The following PDE3A variants were observed in gnomAD, a reference collection of about 807,000 sequenced individuals.
PDE3A encodes the protein cGMP-inhibited 3',5'-cyclic phosphodiesterase 3A.
In PDE3A, 43 loss-of-function variants were observed where a neutral mutation model predicts 98.3. That is an observed-to-expected ratio of 0.44 (90% confidence interval 0.34 to 0.56). The LOEUF is 0.56. Among genes scored for constraint, PDE3A ranks in the 20% least tolerant of loss-of-function variants. The pLI is 0.01. For synonymous variants in PDE3A, 663 were observed against 567.9 expected, an observed-to-expected ratio of 1.17 and a Z score of -2.38; for missense variants, 1,427 against 1,440.7, an observed-to-expected ratio of 0.99 and a Z score of 0.15.
intron 1 of PDE3A, among the ~76,000 whole-genome samples, chr12:20,516,749 T>C (rs1392383174): frequency 6.6e-6 from 1 of 152,232 alleles, no homozygotes; most frequent in East Asian, 1.9e-4. Context: ...TATTTTCTAA[T>C]TTGTTAAGTT....
At chr12:20,449,689 A>G in intron 1 of PDE3A, 1 of 448,782 alleles carries the variant, frequency 2.2e-6, no homozygotes, top group Non-Finnish European at 4.1e-6. Context: ...CAGCATTCTT[A>G]CAGAAATATT....
At chr12:20,482,271 T>A (rs149012038) in intron 1 of PDE3A, among the ~76,000 whole-genome samples, 209 of 151,800 alleles carry the variant, frequency 1.4e-3, no homozygotes, top group African/African-American at 4.6e-3. Flanking sequence ...TGTAGAAGAA[T>A]GTTTCTAAGC....
chr12:20,642,602 C>T (rs1187709034), intron 10 of PDE3A, among the ~76,000 whole-genome samples: 2 of 152,124 alleles, frequency 1.3e-5, no homozygotes, highest in African/African-American at 4.8e-5. Flanking sequence ...CATATTCTCC[C>T]TAACACCTCT....
intron 2 of PDE3A, among the ~76,000 whole-genome samples, chr12:20,610,142 G>A (rs1025290934): frequency 1.3e-5 from 2 of 151,828 alleles, no homozygotes; most frequent in South Asian, 2.1e-4. Context: ...TATTGGCAAA[G>A]CATGTATCTG....
intron 2 of PDE3A, among the ~76,000 whole-genome samples, chr12:20,606,487 C>T (rs2121426266): frequency 6.6e-6 from 1 of 152,202 alleles, no homozygotes; most frequent in Non-Finnish European, 1.5e-5. Context: ...ACCTTTTGAC[C>T]TCCACACATA....
At chr12:20,383,491 T>G (rs1943696562) in intron 1 of PDE3A, among the ~76,000 whole-genome samples, 1 of 151,940 alleles carries the variant, frequency 6.6e-6, no homozygotes, top group Non-Finnish European at 1.5e-5. Context: ...CAGGATGCTG[T>G]CTCTTTTTAC....
intron 1 of PDE3A, among the ~76,000 whole-genome samples, chr12:20,432,117 G>A (rs945341315): frequency 2.6e-5 from 4 of 152,144 alleles, no homozygotes; most frequent in African/African-American, 7.2e-5. Context: ...AGGCCCTAAG[G>A]TGGTTAAATG....
At chr12:20,578,474 T>TACACACAC (rs5796870) in intron 2 of PDE3A, among the ~76,000 whole-genome samples, 24 of 148,572 alleles carry the variant, frequency 1.6e-4, no homozygotes, top group African/African-American at 5.7e-4. Context: ...ATACAACTAA[T>TACACACAC]ACACACACAC....
At position 20,683,128 on chromosome 12, in the gene PDE3A, C is replaced by A. The variant is rs1001218252; in HGVS notation, c.*2857C>A. 6.6e-6 allele frequency: 1 copy of A among 152,132 alleles called. No individual in the cohort carries two copies. The highest frequency in any genetic ancestry group is 1.5e-5 in the Non-Finnish European group (1 of 68,016). 9.4% of individuals were successfully genotyped at this position (152,132 alleles called of 1,614,324 possible). On this transcript the variant is annotated 3_prime_UTR_variant, in exon 16 of 16. Transcript: ENST00000359062. Reference sequence around the variant, plus strand: ...AAAATAAATTGCTATTACAGCTAGACGTCAATTGGGATAAATAAAGGGATG... The same window carrying A: ...AAAATAAATTGCTATTACAGCTAGAAGTCAATTGGGATAAATAAAGGGATG...
intron 5 of PDE3A, among the ~76,000 whole-genome samples, chr12:20,624,726 C>T (rs1054642788): frequency 1.3e-5 from 2 of 152,186 alleles, no homozygotes; most frequent in African/African-American, 4.8e-5. Context: ...CCAAAAGAGA[C>T]AAACACATCT....
chr12:20,536,988 T>A (rs1489251626), intron 1 of PDE3A, among the ~76,000 whole-genome samples: 1 of 152,080 alleles, frequency 6.6e-6, no homozygotes, highest in Non-Finnish European at 1.5e-5. Flanking sequence ...AGTGAATGCA[T>A]CACTTTGCAT....
At chr12:20,402,392 A>C (rs1944149399) in intron 1 of PDE3A, among the ~76,000 whole-genome samples, 1 of 151,876 alleles carries the variant, frequency 6.6e-6, no homozygotes, top group Non-Finnish European at 1.5e-5. Context: ...CAGGTGATCC[A>C]CCTGCCTTGG....
chr12:20,394,051 G>A (rs910664049), intron 1 of PDE3A, among the ~76,000 whole-genome samples: 8 of 152,008 alleles, frequency 5.3e-5, no homozygotes, highest in African/African-American at 1.4e-4. Flanking sequence ...TGTGGACCAC[G>A]CAAGCATTTA....
At chr12:20,435,839 T>C (rs1374169009) in intron 1 of PDE3A, among the ~76,000 whole-genome samples, 2 of 152,172 alleles carry the variant, frequency 1.3e-5, no homozygotes, top group East Asian at 3.8e-4. Context: ...CAATATAGTG[T>C]CAGAGCTGGG....
intron 1 of PDE3A, among the ~76,000 whole-genome samples, chr12:20,450,467 C>A (rs1945044286): frequency 6.6e-6 from 1 of 152,222 alleles, no homozygotes. Context: ...GCCCACTGGA[C>A]ACCAATATAC....
chr12:20,551,797 A>C (rs2121254171), intron 1 of PDE3A: 2 of 1,614,002 alleles, frequency 1.2e-6, no homozygotes, highest in East Asian at 4.5e-5. Context: ...GGCCTCGGCC[A>C]CATCGTCCTC....
chr12:20,642,860 T>G (rs1329315229), intron 10 of PDE3A, among the ~76,000 whole-genome samples: 1 of 152,206 alleles, frequency 6.6e-6, no homozygotes, highest in Non-Finnish European at 1.5e-5. Context: ...AAGTGTTACC[T>G]CTATTCTTTA....
intron 2 of PDE3A, among the ~76,000 whole-genome samples, chr12:20,586,326 C>A (rs1392626748): frequency 1.3e-4 from 20 of 152,152 alleles, no homozygotes; most frequent in Admixed American, 1.3e-3. Context: ...TCAAATTATA[C>A]AGCACTCTTA....
At chr12:20,385,034 T>C (rs1565531922) in intron 1 of PDE3A, among the ~76,000 whole-genome samples, 1 of 152,224 alleles carries the variant, frequency 6.6e-6, no homozygotes, top group South Asian at 2.1e-4. Flanking sequence ...CACATTCCTT[T>C]GGGTGTATTC....
Sources: gnomAD v4.1 joint callset for allele counts (sites outside exome capture counted in the v4.1 genomes callset) on GRCh38, gnomAD v4.1.1 for gene constraint, MANE v1.5 for transcripts, NCBI Gene and HGNC (gene_info 2026-07-23, HGNC 2026-07-21) for gene names.